Variants in PARG observed in about 807,000 individuals in gnomAD.
PARG encodes the protein mitochondrial poly(ADP-ribose) glycohydrolase.
A neutral mutation model predicts 113.0 loss-of-function variants in PARG; 35 were observed. The ratio of observed to expected loss-of-function variants is 0.31; its 90% CI spans 0.24 to 0.41. The LOEUF is 0.41. PARG is among the 10% of genes least tolerant of loss of function. The pLI is 1.00. For missense variants in PARG, 797 were observed against 1,169.4 expected (o/e 0.68, Z 4.64); for synonymous variants, 330 against 409.9 (o/e 0.81, Z 2.36).
intron 15 of PARG, among the ~76,000 whole-genome samples, chr10:49,838,157 G>A (rs1025298979): frequency 2.0e-5 from 3 of 152,252 alleles, no homozygotes; most frequent in African/African-American, 2.4e-5. Flanking sequence ...TTGGCTGGGC[G>A]CAGTGCCTCA....
Position 49,889,086 on chromosome 10 carries a change from TTC to T in PARG, c.1738-3793_1738-3792del, listed in dbSNP as rs1377803735. Among the ~76,000 whole-genome samples the T allele has an allele frequency of 9.9e-5, 15 of 151,426 alleles. No individual in the cohort carries two copies. In the East Asian group the frequency reaches 1.5e-3, roughly 16 times the overall value. The stretch of plus-strand genomic sequence containing the variant: ...TTTTTTTTTTTTCTTTGCTGGGACT[TTC>T]TGTTTTTTTCATTTGTTTCAAGTAT... On this transcript the variant is annotated intron_variant, in intron 7 of 17. Coordinates refer to ENST00000616448, the MANE Select transcript of PARG (RefSeq NM_003631.5).
intron 7 of PARG, among the ~76,000 whole-genome samples, chr10:49,914,952 A>T (rs1489786414): frequency 6.6e-6 from 1 of 152,332 alleles, no homozygotes; most frequent in African/African-American, 2.4e-5. Flanking sequence ...GGATATTCAC[A>T]TGGAAAATAA....
intron 2 of PARG, among the ~76,000 whole-genome samples, 169 bp from the exon 3 acceptor site, chr10:49,934,332 C>T (rs1349754557): frequency 1.3e-5 from 2 of 152,130 alleles, no homozygotes; most frequent in Admixed American, 1.3e-4. Flanking sequence ...GCCCTCCCTG[C>T]AGCTGTGTGT....
intron 6 of PARG, among the ~76,000 whole-genome samples, chr10:49,919,556 T>G (rs1554848613): frequency 6.6e-6 from 1 of 152,128 alleles, no homozygotes; most frequent in Non-Finnish European, 1.5e-5. Context: ...GGTAATTACA[T>G]GCCTGTAATC....
chr10:49,940,177 C>CCCCT (rs1452239963), intron 1 of PARG, among the ~76,000 whole-genome samples: 6 of 151,440 alleles, frequency 4.0e-5, no homozygotes, highest in African/African-American at 1.5e-4. Context: ...ATGAATCCAT[C>CCCCT]CCCTTCCCTA....
chr10:49,821,490 C>T (rs1184727797), intron 16 of PARG, among the ~76,000 whole-genome samples: 2 of 152,248 alleles, frequency 1.3e-5, no homozygotes, highest in East Asian at 1.9e-4. Flanking sequence ...AGCGATTCTC[C>T]TGCCTCAGCC....
intron 16 of PARG, among the ~76,000 whole-genome samples, chr10:49,822,610 A>C (rs1459172206): frequency 6.6e-6 from 1 of 152,228 alleles, no homozygotes; most frequent in African/African-American, 2.4e-5. Context: ...GGTAAAGGTC[A>C]GGCAAGAATC....
At chr10:49,930,038 A>C (rs1475734862) in intron 4 of PARG, among the ~76,000 whole-genome samples, 1 of 152,086 alleles carries the variant, frequency 6.6e-6, no homozygotes, top group African/African-American at 2.4e-5. Context: ...TACAGTTGCA[A>C]ATGGTAACAT....
At chr10:49,882,465 G>C (rs1554839628) in intron 8 of PARG, among the ~76,000 whole-genome samples, 1 of 151,976 alleles carries the variant, frequency 6.6e-6, no homozygotes, top group Admixed American at 6.6e-5. Context: ...TTCAATAGGG[G>C]GCAAAGCACA....
chr10:49,907,656 C>T (rs1367664939), intron 7 of PARG, among the ~76,000 whole-genome samples: 2 of 151,976 alleles, frequency 1.3e-5, no homozygotes, highest in African/African-American at 4.8e-5. Context: ...AAAGCATACT[C>T]AAAAGGACTA....
chr10:49,846,742 G>T (rs1452830746), intron 13 of PARG, among the ~76,000 whole-genome samples: 2 of 132,196 alleles, frequency 1.5e-5, no homozygotes, highest in Non-Finnish European at 3.3e-5. Flanking sequence ...ATTCACAGTT[G>T]TATATGTGTG....
intron 13 of PARG, among the ~76,000 whole-genome samples, chr10:49,849,402 A>G (rs1845658066): frequency 6.6e-6 from 1 of 150,734 alleles, no homozygotes; most frequent in Non-Finnish European, 1.5e-5. Flanking sequence ...AGAAAACAAC[A>G]CATTAATAAG....
At chr10:49,914,548 TA>T (rs1837362633) in intron 7 of PARG, among the ~76,000 whole-genome samples, 1 of 152,242 alleles carries the variant, frequency 6.6e-6, no homozygotes, top group South Asian at 2.1e-4. Context: ...TAACGTGATG[TA>T]AGAGTTGCCC....
At chr10:49,891,036 C>A (rs527596856) in intron 7 of PARG, among the ~76,000 whole-genome samples, 1 of 152,212 alleles carries the variant, frequency 6.6e-6, no homozygotes, top group Non-Finnish European at 1.5e-5. Context: ...GTAATCAGGC[C>A]GGGCGTGGTG....
At chr10:49,923,459 A>AAT (rs1359700434) in intron 4 of PARG, among the ~76,000 whole-genome samples, 2 of 151,992 alleles carry the variant, frequency 1.3e-5, no homozygotes, top group African/African-American at 4.8e-5. Flanking sequence ...TACACATGCA[A>AAT]ATATATATAT....
At chr10:49,848,685 A>G (rs1396578364) in intron 13 of PARG, among the ~76,000 whole-genome samples, 2 of 151,902 alleles carry the variant, frequency 1.3e-5, no homozygotes, top group African/African-American at 4.8e-5. Flanking sequence ...TGCACATAAC[A>G]TTGGTAGAGC....
intron 7 of PARG, among the ~76,000 whole-genome samples, chr10:49,906,144 CTTT>C (rs71471360): frequency 3.6e-5 from 4 of 111,060 alleles, no homozygotes; most frequent in African/African-American, 6.0e-5. Context: ...GATGCTGCCG[CTTT>C]TTTTTTTTTT....
intron 7 of PARG, among the ~76,000 whole-genome samples, chr10:49,896,711 A>T (rs1554842839): frequency 2.0e-5 from 3 of 152,226 alleles, no homozygotes; most frequent in Non-Finnish European, 2.9e-5. Flanking sequence ...AACTCTGCTT[A>T]GTAATCATGT....
At chr10:49,906,178 T>A (rs2132779939) in intron 7 of PARG, among the ~76,000 whole-genome samples, 1 of 141,816 alleles carries the variant, frequency 7.1e-6, no homozygotes, top group African/African-American at 2.6e-5. Flanking sequence ...AAACAGGGTT[T>A]CACCATGTTG....
Sources: allele counts gnomAD v4.1 joint callset (sites outside exome capture counted in the v4.1 genomes callset), GRCh38; gene constraint gnomAD v4.1.1; transcripts MANE v1.5; gene names NCBI Gene and HGNC (gene_info 2026-07-23, HGNC 2026-07-21).